Variants in ATP8A1 observed in about 807,000 individuals in gnomAD.
ATP8A1 encodes phospholipid-transporting ATPase IA.
A neutral mutation model predicts 177.7 loss-of-function variants in ATP8A1; 90 were observed. The ratio of observed to expected loss-of-function variants is 0.51; its 90% CI spans 0.43 to 0.60. ATP8A1 has a LOEUF of 0.60. Among genes scored for constraint, ATP8A1 ranks in the 20% least tolerant of loss-of-function variants. The pLI is 0.00. For missense variants in ATP8A1, 1,072 were observed against 1,392.8 expected, an observed-to-expected ratio of 0.77 and a Z score of 3.67; for synonymous variants, 493 against 485.9, an observed-to-expected ratio of 1.01 and a Z score of -0.19.
chr4:42,625,677 T>G lies in ATP8A1; in HGVS notation c.201A>C (p.Arg67Ser), dbSNP rs781449081. The change falls in exon 3 of 37, where the codon AGA becomes AGC. Residue 67 changes from arginine (R) to serine (S), a missense_variant. Arg to Ser is a moderately radical substitution (Grantham distance 110, BLOSUM62 -1). Coordinates refer to ENST00000381668, the MANE Select transcript of ATP8A1 (RefSeq NM_006095.2). The stretch of plus-strand genomic sequence containing the variant: ...CTCTTCTGAACTGAGAGTAGAGAAA[T>G]CTTGGAAGGAATGTGATTATGTTGT... ...AKYNIITFLP[R>S]FLYSQFRRAA... 2 of 1,608,496 alleles carry G rather than the reference T, an allele frequency of 1.2e-6. No homozygotes were observed. Among genetic ancestry groups the G allele is most frequent in the Non-Finnish European group, 1.7e-6 (2 of 1,177,294 alleles).
At chr4:42,515,833 G>C (rs1455978648) in intron 22 of ATP8A1, among the ~76,000 whole-genome samples, 1 of 152,188 alleles carries the variant, frequency 6.6e-6, no homozygotes, top group Non-Finnish European at 1.5e-5. Context: ...TCCAACCCAT[G>C]ATTTTCTCAC....
chr4:42,469,154 T>C (rs1240149706), intron 25 of ATP8A1, among the ~76,000 whole-genome samples: 2 of 152,210 alleles, frequency 1.3e-5, no homozygotes, highest in Non-Finnish European at 2.9e-5. Flanking sequence ...CAATATTTTT[T>C]AGCAACTCAA....
At chr4:42,425,612 A>T (rs1714518622) in intron 33 of ATP8A1, among the ~76,000 whole-genome samples, 3 of 152,068 alleles carry the variant, frequency 2.0e-5, no homozygotes. Flanking sequence ...CTTTCTGTAT[A>T]AGAAAGCTCC....
intron 17 of ATP8A1, among the ~76,000 whole-genome samples, chr4:42,552,036 A>C (rs1207161812): frequency 6.6e-6 from 1 of 152,190 alleles, no homozygotes; most frequent in African/African-American, 2.4e-5. Context: ...CAAATGCGTA[A>C]AACTTTCCTC....
chr4:42,602,466 A>G (rs547777747), intron 5 of ATP8A1, among the ~76,000 whole-genome samples: 2 of 152,348 alleles, frequency 1.3e-5, no homozygotes, highest in African/African-American at 4.8e-5. Context: ...GTAACAAAGC[A>G]TAAAGAATAA....
chr4:42,473,082 G>A (rs1720631304), intron 25 of ATP8A1, among the ~76,000 whole-genome samples: 1 of 152,174 alleles, frequency 6.6e-6, no homozygotes, highest in Non-Finnish European at 1.5e-5. Flanking sequence ...ACTCATTTAA[G>A]CATGCTGACT....
At chr4:42,556,319 T>C (rs971165275) in intron 15 of ATP8A1, 1 of 245,848 alleles carries the variant, frequency 4.1e-6, no homozygotes, top group Middle Eastern at 1.2e-3. Context: ...CCACATAAAA[T>C]TTGTAAAAAT....
At chr4:42,494,008 C>A (rs149071135) in intron 24 of ATP8A1, among the ~76,000 whole-genome samples, 10,571 of 151,606 alleles carry the variant, frequency 0.07, 1,209 homozygotes, top group African/African-American at 0.24. Flanking sequence ...TTGAGACCAG[C>A]CTGGCCAACA....
intron 1 of ATP8A1, among the ~76,000 whole-genome samples, chr4:42,627,362 T>C (rs1299371998): frequency 6.6e-6 from 1 of 152,204 alleles, no homozygotes. Context: ...ATTTCCCCCG[T>C]AAGTGTTCAA....
chr4:42,495,278 T>C (rs1001236089), intron 24 of ATP8A1, among the ~76,000 whole-genome samples: 2 of 152,242 alleles, frequency 1.3e-5, no homozygotes, highest in African/African-American at 2.4e-5. Flanking sequence ...GTATGGACAA[T>C]GTTAGCACGT....
chr4:42,530,735 G>A (rs1334448559), intron 20 of ATP8A1, among the ~76,000 whole-genome samples: 1 of 152,190 alleles, frequency 6.6e-6, no homozygotes, highest in Non-Finnish European at 1.5e-5. Flanking sequence ...CACTTTGCAG[G>A]GCCGGAGCAA....
intron 33 of ATP8A1, among the ~76,000 whole-genome samples, chr4:42,439,422 G>C (rs1716378783): frequency 6.6e-6 from 1 of 152,218 alleles, no homozygotes; most frequent in Non-Finnish European, 1.5e-5. Context: ...TATGTGAGCT[G>C]AAAGCTGCTT....
At chr4:42,430,666 T>TC (rs1378350593) in intron 33 of ATP8A1, among the ~76,000 whole-genome samples, 4 of 152,100 alleles carry the variant, frequency 2.6e-5, no homozygotes, top group Non-Finnish European at 5.9e-5. Context: ...TGTGTGTTGC[T>TC]CCCCTCTACG....
chr4:42,564,218 T>G lies in ATP8A1; in HGVS notation c.1340+4943A>C, dbSNP rs114433947. Among the ~76,000 whole-genome samples, 1,520 of 152,312 alleles carry G rather than the reference T, an allele frequency of 1.0e-2. 26 individuals carry two copies. Among genetic ancestry groups the G allele is most frequent in the African/African-American group, 0.034 (1,427 of 41,548 alleles). On this transcript the variant is annotated intron_variant, in intron 15 of 36. Coordinates refer to ENST00000381668, the MANE Select transcript of ATP8A1 (RefSeq NM_006095.2). The stretch of plus-strand genomic sequence containing the variant: ...GGGTGGGTCCCTCATGGAGAACCTC[T>G]GCTAGCGCAGTGCAGAAGGAAAATG...
intron 12 of ATP8A1, 25 bp downstream of exon 12, chr4:42,578,235 G>T: frequency 1.3e-6 from 2 of 1,563,804 alleles, no homozygotes; most frequent in South Asian, 2.4e-5. Context: ...TTTGTAGGGT[G>T]ATAACAATCA....
rs559115348 is a variant in ATP8A1 at position 42,610,224 on chromosome 4, T to C, written c.409+5809A>G. ...TCTTATCTTCCCGACAAGATTATAA[T>C]TTCCTGTAGGACAAGTATGATTTCT... is the stretch of plus-strand genomic sequence containing the variant. On this transcript the variant is annotated intron_variant, in intron 5 of 36. Coordinates refer to ENST00000381668, the MANE Select transcript of ATP8A1 (RefSeq NM_006095.2). Among the ~76,000 whole-genome samples the C allele has an allele frequency of 5.3e-5, 8 of 152,144 alleles. No homozygotes were observed. In the East Asian group the frequency reaches 1.6e-3, roughly 30 times the overall value.
intron 33 of ATP8A1, among the ~76,000 whole-genome samples, chr4:42,433,857 A>T (rs1467039715): frequency 2.2e-5 from 1 of 44,928 alleles, no homozygotes; most frequent in Non-Finnish European, 4.5e-5. Context: ...AGAGAGTAAT[A>T]AAAAAAAAAA....
chr4:42,482,283 G>A (rs1274072205), intron 25 of ATP8A1, among the ~76,000 whole-genome samples: 3 of 150,832 alleles, frequency 2.0e-5, no homozygotes, highest in African/African-American at 7.3e-5. Context: ...CACCCTGGGT[G>A]ACAGAGTGAG....
intron 33 of ATP8A1, among the ~76,000 whole-genome samples, chr4:42,437,505 C>T (rs190320701): frequency 5.8e-4 from 88 of 152,250 alleles, no homozygotes; most frequent in African/African-American, 1.4e-3. Flanking sequence ...TTATTTAAAG[C>T]GACAGCCAAG....
Sources: allele counts gnomAD v4.1 joint callset (sites outside exome capture counted in the v4.1 genomes callset), GRCh38; gene constraint gnomAD v4.1.1; transcripts MANE v1.5; gene names NCBI Gene and HGNC (gene_info 2026-07-23, HGNC 2026-07-21).